Variants in SYT5 observed in about 807,000 individuals in gnomAD.
SYT5 encodes synaptotagmin 5, also known as synaptotagmin-5.
Under a neutral mutation model 36.0 loss-of-function variants are expected in SYT5, and 29 were observed. The observed-to-expected ratio is 0.81, with a 90% CI of 0.60 to 1.10. The LOEUF (loss-of-function observed/expected upper bound fraction) is 1.10, where lower values mean the gene tolerates loss of function less well. Among genes scored for constraint, SYT5 ranks in the 50% least tolerant of loss-of-function variants. The probability of loss-of-function intolerance (pLI) is 0.00; values close to 1 mark genes in which losing one functional copy is unlikely to be tolerated. For synonymous variants in SYT5, 231 were observed against 227.6 expected (o/e 1.02, Z -0.14); for missense variants, 512 against 516.0 (o/e 0.99, Z 0.08).
At position 55,179,241 on chromosome 19, in the gene SYT5, G is replaced by A; in HGVS notation, c.-45-155C>T. 6.7e-7 allele frequency: 1 copy of A among 1,489,900 alleles called. No individual in the cohort carries two copies. The highest frequency in any genetic ancestry group is 8.9e-7 in the Non-Finnish European group (1 of 1,123,752). 92.3% of individuals were successfully genotyped at this position (1,489,900 alleles called of 1,614,324 possible). A position where few individuals can be genotyped will look rare whatever the true frequency, so the allele number is the denominator to read the frequency against. Reference sequence around the variant, plus strand: ...GTAGTATCAGCCTCCCCGCACTTGAGAGGGGGTGTCCAGGACCTAGTTCCA... The same window carrying A: ...GTAGTATCAGCCTCCCCGCACTTGAAAGGGGGTGTCCAGGACCTAGTTCCA... On this transcript the variant is annotated intron_variant, in intron 1 of 8. Transcript: ENST00000354308. The surrounding 1 kb of genome is among the most constrained non-coding windows in gnomAD (Gnocchi z 4.5).
intron 8 of SYT5, among the ~76,000 whole-genome samples, chr19:55,174,232 T>C (rs1275522784): frequency 7.4e-6 from 1 of 135,036 alleles, no homozygotes; most frequent in Non-Finnish European, 1.6e-5. Context: ...TTCCGCTTGG[T>C]GGGGCGGGGC....
chr19:55,173,394 T>G lies in SYT5; in HGVS notation c.*90A>C. On this transcript the variant is annotated 3_prime_UTR_variant, in exon 9 of 9. Coordinates refer to ENST00000354308, the MANE Select transcript of SYT5 (RefSeq NM_003180.3). This position sits in a 1 kb window ranked among gnomAD's most constrained non-coding sequence, Gnocchi z 5.4. ...GGGAGGGTAACCGTCAGAGGAAGCT[T>G]AAGGGTGGGGCTGGCTTGGCTTTGG... 1 of 1,138,148 alleles carries G rather than the reference T, an allele frequency of 8.8e-7. No individual in the cohort carries two copies. Among genetic ancestry groups the G allele is most frequent in the Non-Finnish European group, 1.1e-6 (1 of 881,918 alleles). 70.5% of individuals were successfully genotyped at this position (1,138,148 alleles called of 1,614,324 possible).
chr19:55,174,697 T>C (rs1429272190), intron 7 of SYT5, 47 bp from the exon 8 acceptor site: 1 of 1,613,144 alleles, frequency 6.2e-7, no homozygotes, highest in South Asian at 1.1e-5. Context: ...TGCTGGGTTG[T>C]TGGACCAACA....
chr19:55,176,184 C>T, intron 3 of SYT5, 60 bp from the exon 4 acceptor site: 3 of 1,608,984 alleles, frequency 1.9e-6, no homozygotes, highest in Non-Finnish European at 2.5e-6. Flanking sequence ...ATCCATCAGG[C>T]TCAGAAGCCA....
rs1204952101 is a variant in SYT5, at chr19:55,175,540, G to C, written c.540+169C>G. Among the ~76,000 whole-genome samples, 2 of 152,080 alleles carry C rather than the reference G, an allele frequency of 1.3e-5. No individual in the cohort carries two copies. The highest frequency in any genetic ancestry group is 1.3e-4 in the Admixed American group (2 of 15,272). On this transcript the variant is annotated intron_variant, in intron 5 of 8. Transcript: ENST00000354308. This position sits in a 1 kb window ranked among gnomAD's most constrained non-coding sequence, Gnocchi z 4.5. ...CCAAATCGTACCGCCCAAGGACCAG[G>C]CTACAGCCCAGGAGTCAGTAGTGCC...
Position 55,174,938 on chromosome 19 carries a change from G to A in SYT5, c.770C>T (p.Thr257Ile), listed in dbSNP as rs1259211182. Residue 257 changes from threonine (T) to isoleucine (I), a missense_variant, in exon 7 of 9, where the codon ACC becomes ATC. Physicochemically the swap from Thr to Ile is moderately conservative, Grantham distance 89. Transcript: ENST00000354308. ...GTTTTTAGCCTCCAGGACGATGACG[G>A]TGAGCTTCCCGGCCGTGGGGACATA... ...LRYVPTAGKLTVIVLEAKNLK... is the reference protein window; with the variant it reads ...LRYVPTAGKLIVIVLEAKNLK... 4 of 1,614,176 alleles carry A rather than the reference G, an allele frequency of 2.5e-6. No individual in the cohort carries two copies. Among genetic ancestry groups the A allele is most frequent in the Non-Finnish European group, 3.4e-6 (4 of 1,180,018 alleles).
chr19:55,174,827 C>A, intron 7 of SYT5, 55 bp downstream of exon 7: 1 of 1,589,874 alleles, frequency 6.3e-7, no homozygotes. Context: ...ACTGTCAGAA[C>A]GAGAACCCAC....
intron 2 of SYT5, 28 bp from the exon 3 acceptor site, chr19:55,178,396 T>C (rs914960243): frequency 5.0e-6 from 8 of 1,601,736 alleles, no homozygotes; most frequent in Non-Finnish European, 6.8e-6. Context: ...CAACACACAT[T>C]GAGGCCTGGG....
chr19:55,178,949 C>G lies in SYT5; in HGVS notation c.79+14G>C. On this transcript the variant is annotated intron_variant, in intron 2 of 8. Transcript: ENST00000354308. The stretch of plus-strand genomic sequence containing the variant: ...TTCTCTCTGCTCGGCCCCCCACCCC[C>G]GGGTCTTGCTCACCTGGGCCGTGGC... 6.7e-7 allele frequency: 1 copy of G among 1,496,416 alleles called. No homozygotes were observed. The highest frequency in any genetic ancestry group is 8.9e-7 in the Non-Finnish European group (1 of 1,123,676). 92.7% of individuals were successfully genotyped at this position (1,496,416 alleles called of 1,614,324 possible).
intron 3 of SYT5, chr19:55,176,336 G>T: frequency 1.6e-6 from 1 of 629,630 alleles, no homozygotes; most frequent in Non-Finnish European, 2.7e-6. Context: ...TTGATTAGTG[G>T]TGTCTGCTAT....
rs765455519 is a variant in SYT5, at chr19:55,173,539, G to A, written c.1106C>T (p.Ala369Val). 4.2e-6 allele frequency: 6 copies of A among 1,427,634 alleles called. No individual in the cohort carries two copies. Among genetic ancestry groups the A allele is most frequent in the Non-Finnish European group, 5.5e-6 (6 of 1,091,570 alleles). The allele number at this position is 1,427,634 out of a possible 1,614,324, so 88.4% of individuals were successfully genotyped here. The stretch of plus-strand genomic sequence containing the variant: ...CGGGGGCCGCAGCGAGTGCCACTGG[G>A]CAATGGGCCGCCGCGGGTTGGCCAG... ...DMLANPRRPI[A>V]QWHSLRPPDR... is the part of the protein sequence containing the mutation. The change falls in exon 9 of 9, where the codon GCC becomes GTC. Residue 369 changes from alanine (A) to valine (V), a missense_variant. Transcript: ENST00000354308. This position sits in a 1 kb window ranked among gnomAD's most constrained non-coding sequence, Gnocchi z 5.4.
chr19:55,175,885 C>T lies in SYT5; in HGVS notation c.373-9G>A, dbSNP rs1180093178. The T allele has an allele frequency of 6.2e-7, 1 of 1,614,082 alleles. No individual in the cohort carries two copies. The highest frequency in any genetic ancestry group is 1.1e-5 in the South Asian group (1 of 91,080). ...AGAATGCCCACCAGCAGCTGCAGGG[C>T]CCAGGCACAGTGGGGGAGGTGGGGA... On this transcript the variant is annotated splice_polypyrimidine_tract_variant and intron_variant, in intron 4 of 8. Transcript: ENST00000354308. This position sits in a 1 kb window ranked among gnomAD's most constrained non-coding sequence, Gnocchi z 4.5.
At position 55,171,398 on chromosome 19, in the gene SYT5, A is replaced by T. The variant is rs749084733; in HGVS notation, c.*2086T>A. 2.6e-5 allele frequency: 4 copies of T among 151,940 alleles called. No homozygotes were observed. Among genetic ancestry groups the T allele is most frequent in the Non-Finnish European group, 5.9e-5 (4 of 68,026 alleles). The allele number at this position is 151,940 out of a possible 1,614,324, so 9.4% of individuals were successfully genotyped here. On this transcript the variant is annotated 3_prime_UTR_variant, in exon 9 of 9. Transcript: ENST00000354308. Reference sequence around the variant, plus strand: ...CCTTTGGAGAAAAATTAAAAATCTCATGGATATTATAATCTGTGTAGCTGT... The same window carrying T: ...CCTTTGGAGAAAAATTAAAAATCTCTTGGATATTATAATCTGTGTAGCTGT...
In SYT5 at chr19:55,173,219, G is replaced by A. The variant is rs2147324026; in HGVS notation, c.*265C>T. 2.5e-6 allele frequency: 1 copy of A among 393,286 alleles called. No individual in the cohort carries two copies. The highest frequency in any genetic ancestry group is 2.1e-5 in the African/African-American group (1 of 48,292). 24.4% of individuals were successfully genotyped at this position (393,286 alleles called of 1,614,324 possible). A position where few individuals can be genotyped will look rare whatever the true frequency, so the allele number is the denominator to read the frequency against. On this transcript the variant is annotated 3_prime_UTR_variant, in exon 9 of 9. Coordinates refer to ENST00000354308, the MANE Select transcript of SYT5 (RefSeq NM_003180.3). This position sits in a 1 kb window ranked among gnomAD's most constrained non-coding sequence, Gnocchi z 5.4. ...AGCAGGGGGCAGGACCCGGGGGCAG[G>A]AGAAACCAGGCTGCCTTCCCTTCCC...
Position 55,175,000 on chromosome 19 carries a change from C to A in SYT5, c.709-1G>T, listed in dbSNP as rs2086056310. 1.2e-6 allele frequency: 2 copies of A among 1,612,236 alleles called. No homozygotes were observed. The highest frequency in any genetic ancestry group is 1.7e-5 in the Admixed American group (1 of 60,002). ...AGCAGATGTCCCCAAGCTTCTCCTGCTGAAAGGAGAGGGGCCCATCACCAG... is the reference window on the plus strand; with the variant it reads ...AGCAGATGTCCCCAAGCTTCTCCTGATGAAAGGAGAGGGGCCCATCACCAG... On this transcript the variant is annotated splice_acceptor_variant, in intron 6 of 8. Coordinates refer to ENST00000354308, the MANE Select transcript of SYT5 (RefSeq NM_003180.3). LOFTEE classifies it high-confidence loss of function.
intron 3 of SYT5, among the ~76,000 whole-genome samples, chr19:55,177,757 T>C (rs1218724598): frequency 6.6e-6 from 1 of 152,158 alleles, no homozygotes; most frequent in Non-Finnish European, 1.5e-5. Flanking sequence ...GGTTTCATCA[T>C]GTTGCCCAGG....
In SYT5 at chr19:55,176,020, G is replaced by C. The variant is rs148666325; in HGVS notation, c.357C>G (p.Asp119Glu). 6.2e-7 allele frequency: 1 copy of C among 1,614,116 alleles called. No homozygotes were observed. The highest frequency in any genetic ancestry group is 8.5e-7 in the Non-Finnish European group (1 of 1,180,030). The change falls in exon 4 of 9, where the codon GAC becomes GAG. Residue 119 changes from aspartate (D) to glutamate (E), a missense_variant. Asp to Glu is a conservative substitution (Grantham distance 45). Coordinates refer to ENST00000354308, the MANE Select transcript of SYT5 (RefSeq NM_003180.3). ...LGRLQYSLDY[D>E]FQSGQLLVGI... is the part of the protein sequence containing the mutation. ...CCACACCCACCTGGCCACTCTGGAA[G>C]TCATAATCCAGGGAGTACTGCAGTC...
Position 55,175,190 on chromosome 19 carries a change from C to T in SYT5, c.690G>A (p.Gln230=), listed in dbSNP as rs761927782. ...GRPVQAWREL[Q]AAPREEQEKL... ...TGCTCACCTCCTCCCGCGGAGCCGC[C>T]TGCAGCTCCCGCCAGGCCTGCACTG... is the stretch of plus-strand genomic sequence containing the variant. The change falls in exon 6 of 9, where the codon CAG becomes CAA. Residue 230 remains glutamine, a synonymous_variant. Coordinates refer to ENST00000354308, the MANE Select transcript of SYT5 (RefSeq NM_003180.3). The surrounding 1 kb of genome is among the most constrained non-coding windows in gnomAD (Gnocchi z 4.5). 14 of 1,605,732 alleles carry T rather than the reference C, an allele frequency of 8.7e-6. No homozygotes were observed. The highest frequency in any genetic ancestry group is 4.4e-5 in the South Asian group (4 of 90,238).
In SYT5 at chr19:55,173,519, G is replaced by T; in HGVS notation, c.1126C>A (p.Pro376Thr). The change falls in exon 9 of 9, where the codon CCC (proline) becomes ACC (threonine). Residue 376 changes from proline to threonine, a missense_variant. Transcript: ENST00000354308. The surrounding 1 kb of genome is among the most constrained non-coding windows in gnomAD (Gnocchi z 5.4). ...GGCAGCAGCCTCACTCGGTCCGGGG[G>T]CCGCAGCGAGTGCCACTGGGCAATG... is the stretch of plus-strand genomic sequence containing the variant. ...RPIAQWHSLR[P>T]PDRVRLLPAP 2 of 1,406,888 alleles carry T rather than the reference G, an allele frequency of 1.4e-6. No homozygotes were observed. The highest frequency in any genetic ancestry group is 9.3e-7 in the Non-Finnish European group (1 of 1,080,508). The allele number at this position is 1,406,888 out of a possible 1,614,324, so 87.2% of individuals were successfully genotyped here. A position where few individuals can be genotyped will look rare whatever the true frequency, so the allele number is the denominator to read the frequency against.
Sources: gnomAD v4.1 joint callset for allele counts (sites outside exome capture counted in the v4.1 genomes callset) on GRCh38, gnomAD v4.1.1 for gene constraint, Gnocchi (gnomAD v3.1) non-coding constraint, MANE v1.5 for transcripts, NCBI Gene and HGNC (gene_info 2026-07-23, HGNC 2026-07-21) for gene names.